MPP7: variants seen among roughly 807,000 people sequenced by gnomAD.
MPP7 encodes MAGUK p55 subfamily member 7.
MPP7 carries 60 observed loss-of-function variants against 76.5 expected under a neutral mutation model. The observed-to-expected ratio is 0.78, with a 90% confidence interval of 0.64 to 0.97. The LOEUF is 0.97. Ranked by LOEUF, MPP7 falls within the 50% of genes least tolerant of loss-of-function variation. The probability of loss-of-function intolerance (pLI) is 0.00; values close to 1 mark genes in which losing one functional copy is unlikely to be tolerated. For missense variants in MPP7, 641 were observed against 694.0 expected (o/e 0.92, Z 0.86); for synonymous variants, 237 against 244.5 (o/e 0.97, Z 0.29).
intron 2 of MPP7, among the ~76,000 whole-genome samples, chr10:28,315,530 A>C (rs1473555698): frequency 1.3e-5 from 2 of 152,136 alleles, no homozygotes; most frequent in Non-Finnish European, 2.9e-5. Context: ...CCTCCTGGCC[A>C]CTGCAGACAT....
At chr10:28,225,636 G>A (rs1838663210) in intron 2 of MPP7, among the ~76,000 whole-genome samples, 2 of 152,104 alleles carry the variant, frequency 1.3e-5, no homozygotes, top group South Asian at 4.1e-4. Context: ...TCCTACAATG[G>A]CTATAATCAA....
intron 2 of MPP7, among the ~76,000 whole-genome samples, chr10:28,315,523 C>T (rs542068727): frequency 6.6e-6 from 1 of 152,272 alleles, no homozygotes; most frequent in South Asian, 2.1e-4. Flanking sequence ...CCACTTCCCT[C>T]CTGGCCACTG....
At chr10:28,291,234 A>G (rs1419683691) in intron 1 of MPP7, among the ~76,000 whole-genome samples, 1 of 152,260 alleles carries the variant, frequency 6.6e-6, no homozygotes, top group East Asian at 1.9e-4. Context: ...AGCAACTGCT[A>G]TAACCACTGA....
At chr10:28,300,362 T>C (rs1434193914) in intron 1 of MPP7, among the ~76,000 whole-genome samples, 1 of 152,134 alleles carries the variant, frequency 6.6e-6, no homozygotes, top group Non-Finnish European at 1.5e-5. Context: ...CAAAATATCT[T>C]TCCAGTGTCC....
At chr10:28,227,184 T>C (rs557621807) in intron 2 of MPP7, among the ~76,000 whole-genome samples, 3 of 152,314 alleles carry the variant, frequency 2.0e-5, no homozygotes, top group South Asian at 4.1e-4. Flanking sequence ...GAATACAAGC[T>C]CTGTGTACAA....
At chr10:28,188,123 G>A (rs1484544892) in intron 3 of MPP7, among the ~76,000 whole-genome samples, 1 of 152,056 alleles carries the variant, frequency 6.6e-6, no homozygotes, top group Admixed American at 6.6e-5. Context: ...AAATTCATGA[G>A]CATTAATTTC....
upstream of MPP7, among the ~76,000 whole-genome samples, chr10:28,334,760 C>T (rs900266027): frequency 3.9e-5 from 6 of 152,170 alleles, no homozygotes; most frequent in African/African-American, 1.4e-4. Context: ...AAGCTAAAGA[C>T]AGAGTGGGAT....
chr10:28,221,640 T>TG (rs1838510968), intron 2 of MPP7, among the ~76,000 whole-genome samples: 1 of 152,194 alleles, frequency 6.6e-6, no homozygotes, highest in African/African-American at 2.4e-5. Flanking sequence ...AAGAGACACT[T>TG]GCTAGAGTAA....
chr10:28,056,696 G>A, intron 15 of MPP7, 73 bp from the exon 16 acceptor site: 1 of 1,347,834 alleles, frequency 7.4e-7, no homozygotes, highest in South Asian at 1.6e-5. Flanking sequence ...CTTTCTAGGA[G>A]AAAATTCCTC....
chr10:28,304,208 T>C (rs1841229505), upstream of MPP7, among the ~76,000 whole-genome samples: 1 of 152,162 alleles, frequency 6.6e-6, no homozygotes, highest in Non-Finnish European at 1.5e-5. Context: ...CCCCCAGAAC[T>C]GGTGTCAGCC....
intron 1 of MPP7, among the ~76,000 whole-genome samples, chr10:28,301,033 C>T (rs934084272): frequency 2.0e-5 from 3 of 151,938 alleles, no homozygotes; most frequent in East Asian, 1.9e-4. Flanking sequence ...CAAAACCTAA[C>T]GATTCTCTAG....
intron 1 of MPP7, among the ~76,000 whole-genome samples, chr10:28,267,482 C>G (rs1282983710): frequency 6.6e-6 from 1 of 152,096 alleles, no homozygotes; most frequent in Non-Finnish European, 1.5e-5. Flanking sequence ...TTGAGCATCT[C>G]TAATACAAAA....
At chr10:28,330,448 T>TAGA (rs1264505177) in intron 1 of MPP7, among the ~76,000 whole-genome samples, 5 of 151,628 alleles carry the variant, frequency 3.3e-5, no homozygotes, top group African/African-American at 1.2e-4. Flanking sequence ...GATCTCATCT[T>TAGA]TAAACAGAAA....
chr10:28,319,360 C>A (rs1349644616), intron 2 of MPP7, among the ~76,000 whole-genome samples: 1 of 152,126 alleles, frequency 6.6e-6, no homozygotes. Context: ...AGAGCCAAAC[C>A]ATATCAATAT....
At chr10:28,301,769 T>C (rs1437178555) in intron 1 of MPP7, among the ~76,000 whole-genome samples, 1 of 152,116 alleles carries the variant, frequency 6.6e-6, no homozygotes, top group Non-Finnish European at 1.5e-5. Flanking sequence ...CACGATTAAA[T>C]GGAAATACTG....
chr10:28,230,287 C>G (rs58057536), intron 2 of MPP7, among the ~76,000 whole-genome samples: 1 of 151,868 alleles, frequency 6.6e-6, no homozygotes, highest in Non-Finnish European at 1.5e-5. Context: ...TCAGTCATTA[C>G]GTTAACTGTA....
intron 11 of MPP7, among the ~76,000 whole-genome samples, chr10:28,112,397 A>G (rs1834533335): frequency 6.6e-6 from 1 of 152,232 alleles, no homozygotes; most frequent in African/African-American, 2.4e-5. Flanking sequence ...TAAAAGCCAT[A>G]CCACAAAAAC....
chr10:28,178,858 C>A (rs1836963206), intron 3 of MPP7, among the ~76,000 whole-genome samples: 1 of 152,144 alleles, frequency 6.6e-6, no homozygotes, highest in African/African-American at 2.4e-5. Context: ...CAGAGACATT[C>A]TTCTCAAATG....
chr10:28,153,603 A>G (rs566736319), intron 3 of MPP7, among the ~76,000 whole-genome samples: 5 of 152,338 alleles, frequency 3.3e-5, no homozygotes, highest in African/African-American at 1.2e-4. Context: ...AGCAGTTCTC[A>G]TAAGGAAGCC....
Sources: allele counts gnomAD v4.1 joint callset (sites outside exome capture counted in the v4.1 genomes callset), GRCh38; gene constraint gnomAD v4.1.1; transcripts MANE v1.5; gene names NCBI Gene and HGNC (gene_info 2026-07-23, HGNC 2026-07-21).